CSMD1: variants seen among roughly 807,000 people sequenced by gnomAD.
CSMD1 encodes CUB and Sushi multiple domains 1.
Under a neutral mutation model 417.5 loss-of-function variants are expected in CSMD1, and 213 were observed. The observed-to-expected ratio is 0.51, with a 90% CI of 0.46 to 0.57. CSMD1 has a LOEUF of 0.57. Ranked by LOEUF, CSMD1 falls within the 20% of genes least tolerant of loss-of-function variation. The probability of loss-of-function intolerance (pLI) is 0.00; values close to 1 mark genes in which losing one functional copy is unlikely to be tolerated. For missense variants in CSMD1, 6,923 were observed against 4,529.7 expected (o/e 1.53, Z -15.17); for synonymous variants, 2,862 against 1,736.8 (o/e 1.65, Z -16.11).
chr8:3,716,854 G>A (rs1367241946), intron 6 of CSMD1, among the ~76,000 whole-genome samples: 2 of 151,198 alleles, frequency 1.3e-5, no homozygotes, highest in Admixed American at 6.6e-5. Flanking sequence ...TATCATCATC[G>A]GAATTATCAA....
Position 2,937,506 on chromosome 8 carries a change from GT to G in CSMD1, c.*1078del, listed in dbSNP as rs2128910372. The stretch of plus-strand genomic sequence containing the variant: ...CTGCATTGTGAGCTAAAACCCACAA[GT>G]TCATCGACTATCTAAAATAAATTAC... On this transcript the variant is annotated 3_prime_UTR_variant, in exon 70 of 70. Transcript: ENST00000635120. 1 of 149,626 alleles carries G rather than the reference GT, an allele frequency of 6.7e-6. No individual in the cohort carries two copies. Among genetic ancestry groups the G allele is most frequent in the Non-Finnish European group, 1.5e-5 (1 of 67,636 alleles). The allele number at this position is 149,626 out of a possible 1,614,324, so 9.3% of individuals were successfully genotyped here. A position where few individuals can be genotyped will look rare whatever the true frequency, so the allele number is the denominator to read the frequency against.
chr8:3,827,450 A>C (rs1802119329), intron 5 of CSMD1, among the ~76,000 whole-genome samples: 1 of 152,232 alleles, frequency 6.6e-6, no homozygotes, highest in Non-Finnish European at 1.5e-5. Flanking sequence ...AAATATTTTA[A>C]TAGTGCAAAA....
At chr8:3,643,679 C>T (rs1437136692) in intron 7 of CSMD1, among the ~76,000 whole-genome samples, 1 of 120,334 alleles carries the variant, frequency 8.3e-6, no homozygotes, top group Non-Finnish European at 1.6e-5. Context: ...CCAGCCTGGG[C>T]GACAGCGTGA....
At chr8:3,087,966 T>A (rs78350345) in intron 48 of CSMD1, among the ~76,000 whole-genome samples, 1,585 of 152,344 alleles carry the variant, frequency 0.01, 30 homozygotes, top group African/African-American at 0.036. Flanking sequence ...AGGCCATTAA[T>A]TTCTTTCCTT....
At chr8:3,724,435 T>A (rs1475537871) in intron 6 of CSMD1, among the ~76,000 whole-genome samples, 2 of 152,198 alleles carry the variant, frequency 1.3e-5, no homozygotes, top group African/African-American at 4.8e-5. Flanking sequence ...GATAAACATT[T>A]AAAATTTTCT....
intron 6 of CSMD1, among the ~76,000 whole-genome samples, chr8:3,738,510 C>T (rs192968393): frequency 8.1e-4 from 123 of 152,232 alleles, no homozygotes; most frequent in Non-Finnish European, 1.5e-3. Flanking sequence ...TCCTGGTGAT[C>T]AGAAATGCAA....
At chr8:4,438,226 C>A (rs974417112) in intron 2 of CSMD1, among the ~76,000 whole-genome samples, 2 of 152,150 alleles carry the variant, frequency 1.3e-5, no homozygotes, top group African/African-American at 4.8e-5. Flanking sequence ...GAAATAATCT[C>A]AACCCAAGCC....
chr8:3,170,200 C>A (rs1404954918), intron 37 of CSMD1, among the ~76,000 whole-genome samples: 3 of 152,182 alleles, frequency 2.0e-5, no homozygotes, highest in Non-Finnish European at 1.5e-5. Context: ...AGTTTTATTT[C>A]TTTTTATTGT....
At chr8:3,802,895 T>G (rs1800534740) in intron 5 of CSMD1, among the ~76,000 whole-genome samples, 1 of 152,056 alleles carries the variant, frequency 6.6e-6, no homozygotes, top group Admixed American at 6.6e-5. Context: ...ATAGTTTGAT[T>G]TGACAAAGGA....
chr8:4,703,060 G>A (rs200923347), intron 1 of CSMD1, among the ~76,000 whole-genome samples: 1 of 152,132 alleles, frequency 6.6e-6, no homozygotes, highest in African/African-American at 2.4e-5. Flanking sequence ...TTAGGGTTAA[G>A]CAAATTATTT....
intron 50 of CSMD1, among the ~76,000 whole-genome samples, chr8:3,051,104 C>T (rs1396247762): frequency 1.3e-5 from 2 of 152,096 alleles, no homozygotes; most frequent in African/African-American, 2.4e-5. Flanking sequence ...TGGGTATATA[C>T]CCAAAGGAAT....
chr8:3,285,550 T>C (rs2117245029), intron 25 of CSMD1, among the ~76,000 whole-genome samples: 1 of 151,870 alleles, frequency 6.6e-6, no homozygotes, highest in Middle Eastern at 3.4e-3. Flanking sequence ...TCATGTTCAG[T>C]TATTATTAGT....
chr8:4,335,830 G>C (rs1263454234), intron 3 of CSMD1, among the ~76,000 whole-genome samples: 1 of 152,154 alleles, frequency 6.6e-6, no homozygotes, highest in African/African-American at 2.4e-5. Context: ...ACTCAGCCCA[G>C]GGGTTGATTG....
At chr8:4,193,049 T>C (rs951801522) in intron 3 of CSMD1, among the ~76,000 whole-genome samples, 5 of 152,232 alleles carry the variant, frequency 3.3e-5, no homozygotes, top group South Asian at 2.1e-4. Context: ...TTAATGTCAT[T>C]ATGTATTTAT....
At chr8:4,213,646 A>C (rs1371304008) in intron 3 of CSMD1, among the ~76,000 whole-genome samples, 2 of 152,226 alleles carry the variant, frequency 1.3e-5, no homozygotes, top group Admixed American at 1.3e-4. Context: ...GAGTAGGGTG[A>C]TTGTTGCTCA....
intron 2 of CSMD1, among the ~76,000 whole-genome samples, chr8:4,443,612 C>T (rs1452749773): frequency 6.6e-6 from 1 of 152,194 alleles, no homozygotes; most frequent in Admixed American, 6.5e-5. Context: ...GAAAACTTCG[C>T]ATTCAAAGAA....
chr8:4,259,769 G>T (rs1803740927), intron 3 of CSMD1, among the ~76,000 whole-genome samples: 1 of 151,842 alleles, frequency 6.6e-6, no homozygotes, highest in Non-Finnish European at 1.5e-5. Context: ...AAGAAGAAGA[G>T]ATTAAAAATT....
intron 1 of CSMD1, among the ~76,000 whole-genome samples, chr8:4,940,265 C>A (rs182300608): frequency 2.4e-4 from 36 of 152,288 alleles, no homozygotes; most frequent in Admixed American, 1.6e-3. Flanking sequence ...GAGCAGTTAA[C>A]AGTCCATTGA....
chr8:4,248,195 C>T (rs1210051425), intron 3 of CSMD1, among the ~76,000 whole-genome samples: 1 of 152,116 alleles, frequency 6.6e-6, no homozygotes, highest in Non-Finnish European at 1.5e-5. Flanking sequence ...AATTTCATGA[C>T]ATGACATGAC....
Sources: allele counts gnomAD v4.1 joint callset (sites outside exome capture counted in the v4.1 genomes callset), GRCh38; gene constraint gnomAD v4.1.1; transcripts MANE v1.5; gene names NCBI Gene and HGNC (gene_info 2026-07-23, HGNC 2026-07-21).